FAT1: variants seen among roughly 807,000 people sequenced by gnomAD.
FAT1 encodes FAT atypical cadherin 1.
FAT1 carries 171 observed loss-of-function variants against 329.8 expected under a neutral mutation model. The observed-to-expected ratio is 0.52, with a 90% CI of 0.46 to 0.59. FAT1 has a LOEUF of 0.59. Ranked by LOEUF, FAT1 falls within the 20% of genes least tolerant of loss-of-function variation. The pLI is 0.00. For synonymous variants in FAT1, 2,233 were observed against 2,228.6 expected, an observed-to-expected ratio of 1.00 and a Z score of -0.06; for missense variants, 5,672 against 5,774.4, an observed-to-expected ratio of 0.98 and a Z score of 0.57.
intron 3 of FAT1, among the ~76,000 whole-genome samples, chr4:186,648,176 G>A (rs1008024845): frequency 6.6e-6 from 1 of 152,142 alleles, no homozygotes; most frequent in South Asian, 2.1e-4. Context: ...TAGCTGGAGG[G>A]AAGAGAGGAG....
rs377443970 is a variant in FAT1, at chr4:186,636,893, T to C, written c.3664A>G (p.Ser1222Gly). 7.1e-5 allele frequency: 114 copies of C among 1,609,666 alleles called. No homozygotes were observed. Among genetic ancestry groups the C allele is most frequent in the Non-Finnish European group, 9.5e-5 (112 of 1,178,280 alleles). Residue 1222 changes from serine (S) to glycine (G), a missense_variant, in exon 5 of 27, where the codon AGT (serine) becomes GGT (glycine). This residue lies in a region of FAT1 where 3,966 missense variants were observed against 3,915.2 expected (regional missense o/e 1.01). Coordinates refer to ENST00000441802, the MANE Select transcript of FAT1 (RefSeq NM_005245.4). ...ILEVTVTDNGSPPKSTIARVI... is the reference protein window; with the variant it reads ...ILEVTVTDNGGPPKSTIARVI... Reference sequence around the variant, plus strand: ...CTTGCAATGGTTGATTTGGGGGGACTACCATTGTCTGTCACAGTAACCTGT... The same window carrying C: ...CTTGCAATGGTTGATTTGGGGGGACCACCATTGTCTGTCACAGTAACCTGT...
At chr4:186,651,214 G>A (rs574423759) in intron 3 of FAT1, among the ~76,000 whole-genome samples, 1 of 151,774 alleles carries the variant, frequency 6.6e-6, no homozygotes, top group South Asian at 2.1e-4. Context: ...GACTGTAACT[G>A]TGGAACTCCA....
chr4:186,669,678 C>T (rs190241868), intron 2 of FAT1, among the ~76,000 whole-genome samples: 10 of 152,080 alleles, frequency 6.6e-5, no homozygotes, highest in Admixed American at 1.3e-4. Context: ...CAGTGGAGAA[C>T]GAGACTGAAG....
intron 2 of FAT1, among the ~76,000 whole-genome samples, chr4:186,687,543 T>C (rs1743530167): frequency 6.6e-6 from 1 of 152,144 alleles, no homozygotes; most frequent in Non-Finnish European, 1.5e-5. Flanking sequence ...ACAGGATGAG[T>C]GTCCCAAATC....
At chr4:186,649,928 A>C (rs995694041) in intron 3 of FAT1, among the ~76,000 whole-genome samples, 3 of 152,254 alleles carry the variant, frequency 2.0e-5, no homozygotes, top group African/African-American at 7.2e-5. Flanking sequence ...AAGTACTGAA[A>C]AAATATTTTC....
chr4:186,643,949 ATTT>A (rs1480030372), intron 3 of FAT1, among the ~76,000 whole-genome samples: 2 of 152,170 alleles, frequency 1.3e-5, no homozygotes, highest in East Asian at 3.9e-4. Flanking sequence ...CATCTGCAAT[ATTT>A]TTTGCCAAAT....
At chr4:186,624,195 A>G (rs923786031) in intron 9 of FAT1, among the ~76,000 whole-genome samples, 80 of 132,678 alleles carry the variant, frequency 6.0e-4, no homozygotes, top group Non-Finnish European at 1.2e-3. Flanking sequence ...CACTGACTTT[A>G]GCTACAATAT....
chr4:186,590,577 T>C (rs1326237495), intron 26 of FAT1: 1 of 460,482 alleles, frequency 2.2e-6, no homozygotes, highest in Non-Finnish European at 4.3e-6. Flanking sequence ...GAGAAATGTA[T>C]GTACCACAAA....
At chr4:186,608,569 G>A (rs1235565371) in intron 16 of FAT1, among the ~76,000 whole-genome samples, 2 of 151,872 alleles carry the variant, frequency 1.3e-5, no homozygotes, top group Admixed American at 6.6e-5. Flanking sequence ...AATACTTTTC[G>A]ATCCATGTTG....
chr4:186,693,366 G>GAGGCTGTT (rs1192094776), intron 2 of FAT1, among the ~76,000 whole-genome samples: 1 of 145,910 alleles, frequency 6.9e-6, no homozygotes, highest in African/African-American at 2.6e-5. Flanking sequence ...CCTACCTGTG[G>GAGGCTGTT]CTGGATGAAC....
Position 186,600,003 on chromosome 4 carries a change from C to T in FAT1, c.11998G>A (p.Glu4000Lys), listed in dbSNP as rs373469759. The change falls in exon 22 of 27, where the codon GAA (glutamate) becomes AAA (lysine). Residue 4000 changes from glutamate to lysine, a missense_variant. Transcript: ENST00000441802. Reference sequence around the variant, plus strand: ...CCTGGAGATACATCCACCGACTCTTCGATGTGTGCATAGCTTCTGGGTTTG... The same window carrying T: ...CCTGGAGATACATCCACCGACTCTTTGATGTGTGCATAGCTTCTGGGTTTG... ...NSKPRSYAHIEESVDVSPGCF... is the reference protein window; with the variant it reads ...NSKPRSYAHIKESVDVSPGCF... 6.1e-5 allele frequency: 99 copies of T among 1,613,996 alleles called. No individual in the cohort carries two copies. The East Asian group carries it at 7.6e-4, about 12-fold the overall frequency.
intron 26 of FAT1, among the ~76,000 whole-genome samples, chr4:186,594,769 T>TGACTATATGGATTTATG (rs1738421790): frequency 6.7e-6 from 1 of 148,738 alleles, no homozygotes; most frequent in African/African-American, 2.5e-5. Flanking sequence ...CAATAGATAA[T>TGACTATATGGATTTATG]GACTATATGG....
intron 14 of FAT1, among the ~76,000 whole-genome samples, chr4:186,610,643 TAA>T (rs1739378587): frequency 1.1e-5 from 1 of 94,802 alleles, no homozygotes; most frequent in East Asian, 4.5e-4. Context: ...ATAATTTATA[TAA>T]TTTATATAAA....
intron 2 of FAT1, among the ~76,000 whole-genome samples, chr4:186,688,457 T>A (rs541303728): frequency 4.3e-4 from 66 of 152,228 alleles, no homozygotes; most frequent in African/African-American, 1.6e-3. Context: ...CTTCGGCAAA[T>A]CCCCTGCAGT....
At chr4:186,713,749 C>T (rs918255961) in intron 1 of FAT1, among the ~76,000 whole-genome samples, 7 of 152,090 alleles carry the variant, frequency 4.6e-5, no homozygotes, top group Non-Finnish European at 2.9e-5. Context: ...TTGAGCTTTC[C>T]GGGCCCCCGT....
At position 186,709,839 on chromosome 4, in the gene FAT1, C is replaced by A. The variant is rs1264380184; in HGVS notation, c.-12G>T. On this transcript the variant is annotated 5_prime_UTR_variant, in exon 2 of 27. Transcript: ENST00000441802. ...AAATGTCTCCCCATTGCTTAACTGT[C>A]GGGAATCTGAAACAGAAGAAATCAG... The A allele has an allele frequency of 6.3e-7, 1 of 1,580,160 alleles. No homozygotes were observed. Among genetic ancestry groups the A allele is most frequent in the Non-Finnish European group, 8.6e-7 (1 of 1,159,486 alleles).
At chr4:186,611,255 G>GA in intron 14 of FAT1, 131 bp downstream of exon 14, 1 of 746,424 alleles carries the variant, frequency 1.3e-6, no homozygotes, top group Non-Finnish European at 2.1e-6. Flanking sequence ...ATAACTAAAA[G>GA]AAAACTTGAT....
chr4:186,719,838 G>A (rs1423506389), intron 1 of FAT1, among the ~76,000 whole-genome samples: 1 of 152,170 alleles, frequency 6.6e-6, no homozygotes, highest in Non-Finnish European at 1.5e-5. Flanking sequence ...GTTAGAATGG[G>A]TATTTTGTTC....
intron 16 of FAT1, among the ~76,000 whole-genome samples, chr4:186,606,931 C>T (rs73873654): frequency 0.013 from 2,006 of 152,318 alleles, 48 homozygotes; most frequent in African/African-American, 0.046. Flanking sequence ...ATTCTGCTGG[C>T]GCATTAGCTT....
Sources: gnomAD v4.1 joint callset for allele counts (sites outside exome capture counted in the v4.1 genomes callset) on GRCh38, gnomAD v4.1.1 for gene constraint, gnomAD v4.1.1 regional missense constraint, MANE v1.5 for transcripts, NCBI Gene and HGNC (gene_info 2026-07-23, HGNC 2026-07-21) for gene names.